The following TSPAN18 variants were observed in gnomAD, a reference collection of about 807,000 sequenced individuals.
TSPAN18 encodes the protein tetraspanin-18.
In TSPAN18, 14 loss-of-function variants were observed where a neutral mutation model predicts 27.3. That is an observed-to-expected ratio of 0.51 (90% confidence interval 0.34 to 0.80). The LOEUF (loss-of-function observed/expected upper bound fraction) is 0.80, where lower values mean the gene tolerates loss of function less well. TSPAN18 is among the 30% of genes least tolerant of loss of function. The pLI is 0.01. For missense variants in TSPAN18, 268 were observed against 323.9 expected (o/e 0.83, Z 1.32); for synonymous variants, 143 against 136.5 (o/e 1.05, Z -0.33).
chr11:44,780,016 C>T (rs558480470), intron 2 of TSPAN18, among the ~76,000 whole-genome samples: 10 of 152,344 alleles, frequency 6.6e-5, no homozygotes, highest in Middle Eastern at 3.4e-3. Context: ...CATTCCTATG[C>T]GCATCTATGC....
chr11:44,799,363 C>G (rs944438386), intron 2 of TSPAN18, among the ~76,000 whole-genome samples: 2 of 152,174 alleles, frequency 1.3e-5, no homozygotes, highest in African/African-American at 4.8e-5. Flanking sequence ...ATACCTTGGT[C>G]CAAACGACAC....
At chr11:44,774,485 C>T (rs1413591017) in intron 2 of TSPAN18, among the ~76,000 whole-genome samples, 1 of 152,198 alleles carries the variant, frequency 6.6e-6, no homozygotes, top group African/African-American at 2.4e-5. Context: ...ACCTCAAAAC[C>T]TCTCTATTCA....
At chr11:44,787,916 A>AG (rs5791646) in intron 2 of TSPAN18, among the ~76,000 whole-genome samples, 20,447 of 152,190 alleles carry the variant, frequency 0.13, 2,958 homozygotes, top group East Asian at 0.52. Flanking sequence ...GTTACAACAC[A>AG]GGCAGACAGT....
In TSPAN18 at chr11:44,926,706, G is replaced by A. The variant is rs1439907167; in HGVS notation, c.648G>A (p.Glu216=). The A allele has an allele frequency of 1.2e-6, 2 of 1,614,132 alleles. No individual in the cohort carries two copies. The highest frequency in any genetic ancestry group is 3.3e-5 in the Admixed American group (2 of 60,022). The change falls in exon 9 of 10, where the codon GAG becomes GAA. Residue 216 remains glutamate (E), a synonymous_variant. Transcript: ENST00000520358. ...GCYTVILNTF[E]TYVYLAGALA... is the part of the protein sequence containing the mutation. ...ACACGGTGATCCTCAACACCTTCGA[G>A]ACCTACGTCTACTTGGCCGGAGCCC...
rs1860027708 is a variant in TSPAN18 at position 44,919,132 on chromosome 11, A to T, written c.334-82A>T. 7.9e-6 allele frequency: 9 copies of T among 1,143,344 alleles called. No homozygotes were observed. In the Admixed American group the frequency reaches 1.5e-4, roughly 20 times the overall value. 70.8% of individuals were successfully genotyped at this position (1,143,344 alleles called of 1,614,324 possible). On this transcript the variant is annotated intron_variant, in intron 6 of 9. Transcript: ENST00000520358. ...CTAGCTCTCATTCCCCCAACTCCCA[A>T]GCAGGTGGATGGAGAGACGATGGAG...
chr11:44,774,153 A>G (rs1855752159), intron 2 of TSPAN18, among the ~76,000 whole-genome samples: 1 of 152,238 alleles, frequency 6.6e-6, no homozygotes, highest in Admixed American at 6.5e-5. Flanking sequence ...TCAGTAGGAA[A>G]GGTCCCTTTG....
At chr11:44,787,722 A>G (rs772721571) in intron 2 of TSPAN18, among the ~76,000 whole-genome samples, 2 of 152,254 alleles carry the variant, frequency 1.3e-5, no homozygotes, top group Non-Finnish European at 2.9e-5. Context: ...TGTGAAGATC[A>G]TCTGTGCCCA....
intron 5 of TSPAN18, among the ~76,000 whole-genome samples, chr11:44,912,227 G>A (rs1006054642): frequency 6.6e-6 from 1 of 152,036 alleles, no homozygotes; most frequent in African/African-American, 2.4e-5. Flanking sequence ...TTACCATGTT[G>A]CTCAGGCTGG....
chr11:44,820,923 G>T (rs1019349104), intron 2 of TSPAN18, among the ~76,000 whole-genome samples: 2 of 152,128 alleles, frequency 1.3e-5, no homozygotes, highest in Admixed American at 6.5e-5. Flanking sequence ...GCTTCCTGGG[G>T]GTTCACCAGA....
chr11:44,872,225 C>G (rs751542533), intron 3 of TSPAN18, among the ~76,000 whole-genome samples: 44 of 152,146 alleles, frequency 2.9e-4, no homozygotes, highest in Non-Finnish European at 6.2e-4. Flanking sequence ...GCCACTGTGC[C>G]CAGCCTCTTC....
Position 44,832,055 on chromosome 11 carries a change from C to T in TSPAN18, c.-152-28273C>T, listed in dbSNP as rs367617907. On this transcript the variant is annotated intron_variant, in intron 2 of 9. Transcript: ENST00000520358. ...GGAAGGAGAGTGAAGGAGACCATCA[C>T]TCCCCTAACTGGAAAATAGCGGCCA... Among the ~76,000 whole-genome samples, 16 of 152,310 alleles carry T rather than the reference C, an allele frequency of 1.1e-4. 1 individual carries two copies. The South Asian group carries it at 3.1e-3, about 30-fold the overall frequency.
At chr11:44,761,219 G>A (rs898082715) in intron 1 of TSPAN18, among the ~76,000 whole-genome samples, 1 of 152,192 alleles carries the variant, frequency 6.6e-6, no homozygotes, top group Admixed American at 6.5e-5. Flanking sequence ...ACTTCCCAAA[G>A]CCCAAGACTA....
At chr11:44,805,751 C>T (rs1856578200) in intron 2 of TSPAN18, among the ~76,000 whole-genome samples, 1 of 152,130 alleles carries the variant, frequency 6.6e-6, no homozygotes, top group African/African-American at 2.4e-5. Context: ...TCTGAGGCCT[C>T]GAGGGAAGAA....
intron 3 of TSPAN18, among the ~76,000 whole-genome samples, chr11:44,898,106 T>C (rs1156550647): frequency 6.6e-6 from 1 of 152,212 alleles, no homozygotes; most frequent in Non-Finnish European, 1.5e-5. Context: ...ACACTAGAAA[T>C]AAGCCAGTGA....
chr11:44,833,629 C>G (rs1207126033), intron 2 of TSPAN18, among the ~76,000 whole-genome samples: 1 of 152,166 alleles, frequency 6.6e-6, no homozygotes, highest in East Asian at 1.9e-4. Flanking sequence ...TCTGCGGTGG[C>G]TAAATGTCAC....
At chr11:44,913,689 A>T (rs535166365) in intron 5 of TSPAN18, among the ~76,000 whole-genome samples, 106 of 152,380 alleles carry the variant, frequency 7.0e-4, no homozygotes, top group Non-Finnish European at 1.3e-3. Context: ...CTATAAGCAG[A>T]TGGGTTAGAA....
intron 2 of TSPAN18, among the ~76,000 whole-genome samples, chr11:44,798,758 C>T (rs1856408442): frequency 6.6e-6 from 1 of 152,220 alleles, no homozygotes; most frequent in Non-Finnish European, 1.5e-5. Flanking sequence ...CTCTGCCAGG[C>T]ACAGCCACAT....
intron 2 of TSPAN18, among the ~76,000 whole-genome samples, chr11:44,847,948 C>T (rs1175837106): frequency 6.6e-6 from 1 of 152,054 alleles, no homozygotes; most frequent in African/African-American, 2.4e-5. Flanking sequence ...ATTTTCCTGC[C>T]TCAGCCTCCC....
intron 2 of TSPAN18, among the ~76,000 whole-genome samples, chr11:44,823,354 A>C (rs910905342): frequency 6.6e-6 from 1 of 152,232 alleles, no homozygotes; most frequent in African/African-American, 2.4e-5. Context: ...ACAATGGAAC[A>C]GCTCTAGTGG....
Sources: allele counts gnomAD v4.1 joint callset (sites outside exome capture counted in the v4.1 genomes callset), GRCh38; gene constraint gnomAD v4.1.1; transcripts MANE v1.5; gene names NCBI Gene and HGNC (gene_info 2026-07-23, HGNC 2026-07-21).